Variants in BLTP1 observed in about 807,000 individuals in gnomAD.
BLTP1 encodes the protein bridge-like lipid transfer protein family member 1, also known as fragile site-associated protein.
chr4:122,182,530 C>T, the BLTP1 span: 1 of 438,926 alleles, frequency 2.3e-6, no homozygotes, highest in African/African-American at 2.1e-5. Flanking sequence ...ATCTGAGCTC[C>T]CCTCCGCTCC....
the BLTP1 span, chr4:122,288,724 C>G: frequency 1.2e-4 from 65 of 550,656 alleles, no homozygotes; most frequent in Non-Finnish European, 1.5e-4. Context: ...GTCTATGATT[C>G]TAAGACCACA....
At chr4:122,189,901 T>A in the BLTP1 span, 1 of 1,485,984 alleles carries the variant, frequency 6.7e-7, no homozygotes, top group Non-Finnish European at 8.9e-7. Context: ...TAGTTTTTTT[T>A]TCCTTTTCTT....
chr4:122,217,710 C>T, the BLTP1 span, among the ~76,000 whole-genome samples: 3 of 151,886 alleles, frequency 2.0e-5, no homozygotes, highest in Admixed American at 6.6e-5. Context: ...TTTTGGTATT[C>T]GGGTGATTAC....
chr4:122,219,244 T>A, the BLTP1 span: 9 of 1,510,068 alleles, frequency 6.0e-6, no homozygotes, highest in Non-Finnish European at 8.0e-6. Flanking sequence ...ATATAATAGG[T>A]TAAGGAAATG....
chr4:122,343,674 T>C, the BLTP1 span: 1 of 1,546,092 alleles, frequency 6.5e-7, no homozygotes, highest in Non-Finnish European at 8.9e-7. Context: ...TCAAGCTTTA[T>C]TTTCATAAAT....
At chr4:122,238,528 C>A in the BLTP1 span, among the ~76,000 whole-genome samples, 1 of 152,172 alleles carries the variant, frequency 6.6e-6, no homozygotes, top group African/African-American at 2.4e-5. Context: ...GTCATACATA[C>A]ATATATTCAT....
chr4:122,203,191 G>C, the BLTP1 span, among the ~76,000 whole-genome samples: 3 of 151,876 alleles, frequency 2.0e-5, no homozygotes, highest in Admixed American at 6.6e-5. Context: ...GTGAGGGAAT[G>C]CCTAATGTTC....
At chr4:122,338,668 C>T in the BLTP1 span, among the ~76,000 whole-genome samples, 4 of 152,182 alleles carry the variant, frequency 2.6e-5, no homozygotes, top group East Asian at 5.8e-4. Context: ...TCAAGTACCG[C>T]AGTCAGCCCT....
At chr4:122,265,853 A>G in the BLTP1 span, among the ~76,000 whole-genome samples, 367 of 152,202 alleles carry the variant, frequency 2.4e-3, 3 homozygotes, top group Admixed American at 0.02. Context: ...ACCCGCCACT[A>G]TGCCCAGCTA....
the BLTP1 span, among the ~76,000 whole-genome samples, chr4:122,341,253 C>G: frequency 5.5e-4 from 83 of 152,242 alleles, no homozygotes; most frequent in African/African-American, 1.9e-3. Context: ...TCTGGTAAGA[C>G]TGTAAGATTT....
At chr4:122,356,910 TTC>T in the BLTP1 span, 2 of 985,396 alleles carry the variant, frequency 2.0e-6, no homozygotes, top group African/African-American at 1.7e-5. Context: ...ATCACAGACT[TTC>T]TGAGTACTTG....
At chr4:122,275,849 A>G in the BLTP1 span, 2 of 1,161,622 alleles carry the variant, frequency 1.7e-6, no homozygotes, top group Non-Finnish European at 2.2e-6. Flanking sequence ...TTAAAGGAAC[A>G]TTTTAAGAGT....
chr4:122,271,764 A>G, the BLTP1 span: 1 of 1,277,474 alleles, frequency 7.8e-7, no homozygotes, highest in East Asian at 2.4e-5. Flanking sequence ...TCCATTTACA[A>G]TAACAATAAT....
At chr4:122,153,159 GTT>G in the BLTP1 span, 1,460 of 125,582 alleles carry the variant, frequency 0.012, 8 homozygotes, top group African/African-American at 0.024. Flanking sequence ...AGTTGTTGTC[GTT>G]TTTTTTTTTT....
chr4:122,269,488 C>T, the BLTP1 span: 10 of 985,090 alleles, frequency 1.0e-5, no homozygotes, highest in Admixed American at 6.2e-4. Context: ...AGCTCCGATG[C>T]TCCACATTCT....
At chr4:122,325,113 T>G in the BLTP1 span, 3 of 1,042,964 alleles carry the variant, frequency 2.9e-6, no homozygotes, top group Admixed American at 3.2e-5. Flanking sequence ...AGTTCAATCC[T>G]TTGATTAGGT....
chr4:122,316,570 T>C, the BLTP1 span: 1 of 927,358 alleles, frequency 1.1e-6, no homozygotes, highest in African/African-American at 1.6e-5. Context: ...CTAAATAGAT[T>C]CCTTATGAAA....
the BLTP1 span, among the ~76,000 whole-genome samples, chr4:122,216,097 A>G: frequency 0.015 from 1,681 of 115,512 alleles, 26 homozygotes; most frequent in African/African-American, 0.031. Flanking sequence ...CTATCTATCT[A>G]TCTATCTATC....
At chr4:122,322,125 CCTTTCT>C in the BLTP1 span, among the ~76,000 whole-genome samples, 1 of 149,960 alleles carries the variant, frequency 6.7e-6, no homozygotes, top group Non-Finnish European at 1.5e-5. Context: ...TTCTTCTATT[CCTTTCT>C]CTTTCTCTTT....
Sources: gnomAD v4.1 joint callset for allele counts (sites outside exome capture counted in the v4.1 genomes callset) on GRCh38, gnomAD v4.1.1 for gene constraint, MANE v1.5 for transcripts, NCBI Gene and HGNC (gene_info 2026-07-23, HGNC 2026-07-21) for gene names.